PHLPP1: variants seen among roughly 807,000 people sequenced by gnomAD.
The protein encoded by PHLPP1 is PH domain leucine-rich repeat-containing protein phosphatase 1.
A neutral mutation model predicts 117.2 loss-of-function variants in PHLPP1; 42 were observed. That is an observed-to-expected ratio of 0.36 (90% CI 0.28 to 0.46). PHLPP1 has a LOEUF of 0.46. Ranked by LOEUF, PHLPP1 falls within the 20% of genes least tolerant of loss-of-function variation. PHLPP1 has a pLI of 1.00. For synonymous variants in PHLPP1, 1,042 were observed against 970.7 expected, an observed-to-expected ratio of 1.07 and a Z score of -1.37; for missense variants, 2,084 against 2,241.9, an observed-to-expected ratio of 0.93 and a Z score of 1.42.
intron 4 of PHLPP1, among the ~76,000 whole-genome samples, chr18:62,881,446 TA>T (rs1217389425): frequency 1.3e-5 from 2 of 152,180 alleles, no homozygotes; most frequent in Admixed American, 6.5e-5. Flanking sequence ...TAGCAGTTCT[TA>T]AAAAAATTAT....
chr18:62,931,876 C>CA (rs1909820652), intron 10 of PHLPP1, among the ~76,000 whole-genome samples: 1 of 42,294 alleles, frequency 2.4e-5, no homozygotes, highest in African/African-American at 7.8e-5. Context: ...GCCTGGGCGA[C>CA]AGAAAAAAAA....
intron 8 of PHLPP1, among the ~76,000 whole-genome samples, chr18:62,905,652 C>A (rs1466183211): frequency 1.3e-5 from 2 of 151,784 alleles, no homozygotes; most frequent in Non-Finnish European, 2.9e-5. Context: ...TCAAACTCTG[C>A]CAAGTCTTAG....
rs1379229587 is a variant in PHLPP1 at position 62,979,148 on chromosome 18, A to G, written c.4871A>G (p.Asn1624Ser). ...AVGTIGRRRANGSVAPQERSH... is the reference protein window; with the variant it reads ...AVGTIGRRRASGSVAPQERSH... ...GGGACCATTGGGCGCCGGAGGGCCA[A>G]TGGCTCTGTTGCGCCCCAGGAAAGG... The change falls in exon 17 of 17, where the codon AAT becomes AGT. Residue 1624 changes from asparagine to serine, a missense_variant. Physicochemically the swap from Asn to Ser is conservative, Grantham distance 46. Transcript: ENST00000262719. The G allele has an allele frequency of 6.2e-7, 1 of 1,613,796 alleles. No individual in the cohort carries two copies. The highest frequency in any genetic ancestry group is 8.5e-7 in the Non-Finnish European group (1 of 1,179,868).
At chr18:62,921,888 A>G (rs1424469962) in intron 10 of PHLPP1, among the ~76,000 whole-genome samples, 1 of 152,182 alleles carries the variant, frequency 6.6e-6, no homozygotes, top group Non-Finnish European at 1.5e-5. Context: ...CATTTCTAGC[A>G]CTCTTCTTTT....
chr18:62,765,687 T>C (rs1290017482), intron 1 of PHLPP1, among the ~76,000 whole-genome samples: 1 of 151,906 alleles, frequency 6.6e-6, no homozygotes, highest in Non-Finnish European at 1.5e-5. Context: ...AAAGGGTAAG[T>C]GACATAAAAT....
intron 1 of PHLPP1, among the ~76,000 whole-genome samples, chr18:62,777,954 GA>G (rs1229614524): frequency 2.0e-5 from 3 of 152,134 alleles, no homozygotes; most frequent in African/African-American, 7.2e-5. Flanking sequence ...CTACCCTGCT[GA>G]AAAATCCTCA....
At chr18:62,767,920 A>C (rs1008635024) in intron 1 of PHLPP1, among the ~76,000 whole-genome samples, 5 of 152,204 alleles carry the variant, frequency 3.3e-5, no homozygotes, top group Admixed American at 2.6e-4. Flanking sequence ...AAAAATGCTA[A>C]GATGCAGTAT....
At chr18:62,828,220 G>A (rs1914663586) in intron 1 of PHLPP1, among the ~76,000 whole-genome samples, 1 of 152,020 alleles carries the variant, frequency 6.6e-6, no homozygotes, top group Admixed American at 6.5e-5. Flanking sequence ...CATATAGTAA[G>A]GAGCTCTTAG....
chr18:62,770,584 A>G (rs1164906491), intron 1 of PHLPP1, among the ~76,000 whole-genome samples: 1 of 152,210 alleles, frequency 6.6e-6, no homozygotes, highest in African/African-American at 2.4e-5. Flanking sequence ...TTTTGCATTT[A>G]GAAATATATT....
intron 10 of PHLPP1, among the ~76,000 whole-genome samples, chr18:62,922,725 A>G (rs1395606974): frequency 6.6e-6 from 1 of 152,218 alleles, no homozygotes; most frequent in African/African-American, 2.4e-5. Context: ...CAGTGCTAGA[A>G]TTTCCAATAG....
At chr18:62,862,848 A>AT (rs148169966) in intron 4 of PHLPP1, among the ~76,000 whole-genome samples, 1 of 152,190 alleles carries the variant, frequency 6.6e-6, no homozygotes, top group Admixed American at 6.5e-5. Flanking sequence ...TGGCATTACA[A>AT]TTTTTTTAAA....
At chr18:62,726,130 A>G (rs1911062958) in intron 1 of PHLPP1, among the ~76,000 whole-genome samples, 1 of 152,084 alleles carries the variant, frequency 6.6e-6, no homozygotes, top group Admixed American at 6.5e-5. Context: ...ACACACACAC[A>G]CACACACGCA....
intron 1 of PHLPP1, among the ~76,000 whole-genome samples, chr18:62,762,798 G>A (rs996914620): frequency 2.6e-5 from 4 of 152,014 alleles, no homozygotes; most frequent in African/African-American, 4.8e-5. Context: ...TTAATTTTGC[G>A]ACCTTGGTTT....
At chr18:62,891,859 T>G (rs1916419017) in intron 4 of PHLPP1, among the ~76,000 whole-genome samples, 1 of 137,510 alleles carries the variant, frequency 7.3e-6, no homozygotes, top group South Asian at 2.3e-4. Flanking sequence ...CACCACTGCA[T>G]TCCAGCCTTG....
chr18:62,772,996 C>G (rs1912841643), intron 1 of PHLPP1, among the ~76,000 whole-genome samples: 2 of 151,776 alleles, frequency 1.3e-5, no homozygotes, highest in African/African-American at 4.8e-5. Flanking sequence ...TACAATGGAC[C>G]TTTATGGTAT....
intron 2 of PHLPP1, among the ~76,000 whole-genome samples, chr18:62,835,820 G>T (rs1320793202): frequency 2.7e-5 from 3 of 111,474 alleles, no homozygotes; most frequent in Admixed American, 2.5e-4. Flanking sequence ...TTGCTGTGTT[G>T]CCCAGGCTGG....
intron 3 of PHLPP1, among the ~76,000 whole-genome samples, chr18:62,851,152 G>A (rs995207744): frequency 6.6e-5 from 10 of 152,106 alleles, no homozygotes; most frequent in South Asian, 2.1e-4. Context: ...TGATGGCCCC[G>A]CGCATGCTGC....
intron 1 of PHLPP1, among the ~76,000 whole-genome samples, chr18:62,826,904 G>A (rs931408121): frequency 6.6e-6 from 1 of 152,080 alleles, no homozygotes; most frequent in Non-Finnish European, 1.5e-5. Flanking sequence ...GGAGGCTGAG[G>A]CAGAAGAATC....
At chr18:62,751,653 C>T (rs960267950) in intron 1 of PHLPP1, among the ~76,000 whole-genome samples, 1 of 152,186 alleles carries the variant, frequency 6.6e-6, no homozygotes, top group African/African-American at 2.4e-5. Context: ...ATTCCTAGTC[C>T]TGCACTATCT....
Sources: gnomAD v4.1 joint callset for allele counts (sites outside exome capture counted in the v4.1 genomes callset) on GRCh38, gnomAD v4.1.1 for gene constraint, MANE v1.5 for transcripts, NCBI Gene and HGNC (gene_info 2026-07-23, HGNC 2026-07-21) for gene names.